Variants in SGIP1 observed in about 807,000 individuals in gnomAD.
The protein encoded by SGIP1 is SH3-containing GRB2-like protein 3-interacting protein 1.
Under a neutral mutation model 107.5 loss-of-function variants are expected in SGIP1, and 38 were observed. The ratio of observed to expected loss-of-function variants is 0.35; its 90% CI spans 0.27 to 0.46. The LOEUF (loss-of-function observed/expected upper bound fraction) is 0.46, where lower values mean the gene tolerates loss of function less well. Among genes scored for constraint, SGIP1 ranks in the 20% least tolerant of loss-of-function variants. The pLI is 1.00. For synonymous variants in SGIP1, 365 were observed against 366.1 expected, an observed-to-expected ratio of 1.00 and a Z score of 0.03; for missense variants, 929 against 1,019.5, an observed-to-expected ratio of 0.91 and a Z score of 1.21.
At chr1:66,560,613 G>A (rs1429505692) in intron 1 of SGIP1, among the ~76,000 whole-genome samples, 5 of 152,070 alleles carry the variant, frequency 3.3e-5, no homozygotes, top group African/African-American at 1.2e-4. Context: ...AGTGCGTTAA[G>A]AGAATTTATT....
chr1:66,683,375 C>T (rs896225985), intron 15 of SGIP1, among the ~76,000 whole-genome samples: 1 of 152,112 alleles, frequency 6.6e-6, no homozygotes, highest in Non-Finnish European at 1.5e-5. Context: ...TAGTAAGAGA[C>T]AGAAATTCTA....
chr1:66,561,511 T>C (rs754298307), intron 1 of SGIP1, among the ~76,000 whole-genome samples: 4 of 151,996 alleles, frequency 2.6e-5, no homozygotes, highest in Non-Finnish European at 5.9e-5. Flanking sequence ...TGAAGAGATA[T>C]GTTTAAAAGG....
At chr1:66,684,191 T>C (rs1185003462) in intron 15 of SGIP1, 3 of 1,550,500 alleles carry the variant, frequency 1.9e-6, no homozygotes, top group Admixed American at 3.9e-5. Flanking sequence ...TACTCAGGTC[T>C]GTCTGAGCTG....
In SGIP1 at chr1:66,671,930, G is replaced by A. The variant is rs1001872287; in HGVS notation, c.509-14G>A. On this transcript the variant is annotated splice_polypyrimidine_tract_variant and intron_variant, in intron 10 of 24. Coordinates refer to ENST00000371037, the MANE Select transcript of SGIP1 (RefSeq NM_032291.4). ...AAAAATTTGTCTAAAAAGTTCCTTT[G>A]TCCTGTGCATCAGGTGAAGAAGTGG... is the stretch of plus-strand genomic sequence containing the variant. 5.6e-6 allele frequency: 9 copies of A among 1,613,748 alleles called. No individual in the cohort carries two copies. Among genetic ancestry groups the A allele is most frequent in the Non-Finnish European group, 7.6e-6 (9 of 1,179,766 alleles).
chr1:66,581,229 G>A (rs575368591), intron 1 of SGIP1, among the ~76,000 whole-genome samples: 20 of 152,002 alleles, frequency 1.3e-4, no homozygotes, highest in Non-Finnish European at 2.8e-4. Context: ...TAGTACAGTG[G>A]TTTAAGAGTC....
chr1:66,640,798 C>A (rs2076641454), intron 5 of SGIP1, among the ~76,000 whole-genome samples: 1 of 145,448 alleles, frequency 6.9e-6, no homozygotes. Context: ...AAAAGCAACT[C>A]TGAGAACTGA....
chr1:66,703,897 T>C (rs1252717690), intron 18 of SGIP1, among the ~76,000 whole-genome samples: 1 of 151,986 alleles, frequency 6.6e-6, no homozygotes, highest in Admixed American at 6.6e-5. Context: ...TGTGTGTGTG[T>C]ATGCGTTTAT....
At chr1:66,678,947 TA>T (rs1455633417) in intron 13 of SGIP1, among the ~76,000 whole-genome samples, 6 of 152,092 alleles carry the variant, frequency 3.9e-5, no homozygotes, top group Non-Finnish European at 7.4e-5. Context: ...AACATACACT[TA>T]AAGAAAGAGG....
Position 66,730,816 on chromosome 1 carries a change from C to G in SGIP1, c.1898+1397C>G, listed in dbSNP as rs574865081. ...GCCAATCTCAGAAACAGGCTGCATC[C>G]TTTCCCACAACAGGGCTTTGTAGTA... On this transcript the variant is annotated intron_variant, in intron 20 of 24. Coordinates refer to ENST00000371037, the MANE Select transcript of SGIP1 (RefSeq NM_032291.4). 2.6e-5 allele frequency among the ~76,000 whole-genome samples: 4 copies of G among 152,304 alleles called. No individual in the cohort carries two copies. In the South Asian group the frequency reaches 8.3e-4, roughly 32 times the overall value.
chr1:66,605,513 T>C (rs955477577), intron 1 of SGIP1, among the ~76,000 whole-genome samples: 1 of 151,924 alleles, frequency 6.6e-6, no homozygotes, highest in African/African-American at 2.4e-5. Flanking sequence ...ATTAAGGGGA[T>C]TGATGCCTCA....
intron 14 of SGIP1, 68 bp from the exon 15 acceptor site, chr1:66,681,801 C>T (rs766275997): frequency 8.0e-6 from 12 of 1,502,622 alleles, no homozygotes; most frequent in Non-Finnish European, 1.1e-5. Context: ...CAGTCTTTGC[C>T]TCCCTCCCTC....
intron 1 of SGIP1, among the ~76,000 whole-genome samples, chr1:66,621,734 A>G (rs1316953443): frequency 6.6e-6 from 1 of 152,236 alleles, no homozygotes; most frequent in Non-Finnish European, 1.5e-5. Flanking sequence ...TTCATTTAGC[A>G]TAGTATTTTC....
At chr1:66,656,000 G>A (rs2079692051) in intron 7 of SGIP1, among the ~76,000 whole-genome samples, 1 of 152,048 alleles carries the variant, frequency 6.6e-6, no homozygotes, top group African/African-American at 2.4e-5. Flanking sequence ...TTGTACAGCT[G>A]TATGAAAATA....
At chr1:66,697,402 C>T (rs1357588964) in intron 18 of SGIP1, among the ~76,000 whole-genome samples, 1 of 152,092 alleles carries the variant, frequency 6.6e-6, no homozygotes, top group Non-Finnish European at 1.5e-5. Context: ...CAAGAGAAGT[C>T]ATGCAAGAAG....
At chr1:66,740,833 C>A in intron 23 of SGIP1, 111 bp downstream of exon 23, 1 of 691,012 alleles carries the variant, frequency 1.4e-6, no homozygotes, top group Non-Finnish European at 2.5e-6. Context: ...GAATATTTCA[C>A]TCCATTTTTG....
chr1:66,686,284 A>G (rs1410254580), intron 15 of SGIP1, among the ~76,000 whole-genome samples: 3 of 152,138 alleles, frequency 2.0e-5, no homozygotes, highest in East Asian at 1.9e-4. Context: ...CGGTAGACAC[A>G]TGGTCTTCGG....
intron 1 of SGIP1, chr1:66,616,048 C>G (rs1389255179): frequency 6.6e-6 from 1 of 152,206 alleles, no homozygotes; most frequent in African/African-American, 2.4e-5. Flanking sequence ...AAGTTTGTAA[C>G]AGACCTGCAC....
rs1359222012 is a variant in SGIP1 at position 66,745,632 on chromosome 1, G to A, written c.*2537G>A. On this transcript the variant is annotated 3_prime_UTR_variant, in exon 25 of 25. Coordinates refer to ENST00000371037, the MANE Select transcript of SGIP1 (RefSeq NM_032291.4). ...TTTTATTCCCAAGTCAGAACAAAAT[G>A]AACTAGTAGGTAATAAAACTATTTT... is the stretch of plus-strand genomic sequence containing the variant. 4 of 151,980 alleles carry A rather than the reference G, an allele frequency of 2.6e-5. No homozygotes were observed. Among genetic ancestry groups the A allele is most frequent in the African/African-American group, 9.7e-5 (4 of 41,416 alleles). The allele number at this position is 151,980 out of a possible 1,614,324, so 9.4% of individuals were successfully genotyped here. A position where few individuals can be genotyped will look rare whatever the true frequency, so the allele number is the denominator to read the frequency against.
intron 1 of SGIP1, among the ~76,000 whole-genome samples, chr1:66,565,427 CTTAA>C (rs1210262692): frequency 1.3e-5 from 2 of 151,814 alleles, no homozygotes; most frequent in African/African-American, 2.4e-5. Context: ...GAAATTCAAA[CTTAA>C]TTATGTTAGA....
Sources: allele counts gnomAD v4.1 joint callset (sites outside exome capture counted in the v4.1 genomes callset), GRCh38; gene constraint gnomAD v4.1.1; transcripts MANE v1.5; gene names NCBI Gene and HGNC (gene_info 2026-07-23, HGNC 2026-07-21).